Variants in LTBP1 observed in about 807,000 individuals in gnomAD.
LTBP1 encodes the protein latent transforming growth factor beta binding protein 1.
Under a neutral mutation model 207.6 loss-of-function variants are expected in LTBP1, and 129 were observed. That is an observed-to-expected ratio of 0.62 (90% confidence interval 0.54 to 0.72). The LOEUF is 0.72. LTBP1 is among the 30% of genes least tolerant of loss of function. LTBP1 has a pLI of 0.00. For synonymous variants in LTBP1, 963 were observed against 833.7 expected, an observed-to-expected ratio of 1.16 and a Z score of -2.67; for missense variants, 2,281 against 2,217.2, an observed-to-expected ratio of 1.03 and a Z score of -0.58.
At position 33,034,024 on chromosome 2, in the gene LTBP1, AGTC is replaced by A. The variant is rs1459090314; in HGVS notation, c.863+12821_863+12823del. ...CCCTGGGGGACAGGAGAGCAGATGG[AGTC>A]GTGTTTGCATCATTCACCGTCCTAA... On this transcript the variant is annotated intron_variant, in intron 3 of 33. Coordinates refer to ENST00000404816, the MANE Select transcript of LTBP1 (RefSeq NM_206943.4). Among the ~76,000 whole-genome samples, 3 of 152,240 alleles carry A rather than the reference AGTC, an allele frequency of 2.0e-5. No homozygotes were observed. The South Asian group carries it at 6.2e-4, about 32-fold the overall frequency.
At chr2:33,224,972 C>A (rs2091349797) in intron 9 of LTBP1, among the ~76,000 whole-genome samples, 1 of 152,106 alleles carries the variant, frequency 6.6e-6, no homozygotes, top group South Asian at 2.1e-4. Context: ...TCTTTAGATG[C>A]ATACTTAGGT....
intron 30 of LTBP1, among the ~76,000 whole-genome samples, chr2:33,364,854 G>A (rs917732809): frequency 6.6e-6 from 1 of 152,256 alleles, no homozygotes; most frequent in Non-Finnish European, 1.5e-5. Flanking sequence ...CGCCTCAGGA[G>A]ACTGCTTTGG....
chr2:33,395,623 T>A (rs532652475), intron 32 of LTBP1, among the ~76,000 whole-genome samples: 2 of 152,136 alleles, frequency 1.3e-5, no homozygotes, highest in Non-Finnish European at 2.9e-5. Flanking sequence ...AAATTTGTCT[T>A]CATGTTGACC....
In LTBP1 at chr2:32,981,448, T is replaced by G. The variant is rs147224151; in HGVS notation, c.565+32503T>G. ...GGCAGCTTTGTGATCTCACTTTTGC[T>G]TTGTTACCTCACTTTTCTGATGGAT... On this transcript the variant is annotated intron_variant, in intron 2 of 33. Coordinates refer to ENST00000404816, the MANE Select transcript of LTBP1 (RefSeq NM_206943.4). Among the ~76,000 whole-genome samples the G allele has an allele frequency of 2.0e-5, 3 of 152,342 alleles. No homozygotes were observed. In the East Asian group the frequency reaches 5.8e-4, roughly 29 times the overall value.
Position 33,134,621 on chromosome 2 carries a change from C to T in LTBP1, c.1034-172C>T. 7 of 1,532,524 alleles carry T rather than the reference C, an allele frequency of 4.6e-6. No individual in the cohort carries two copies. The highest frequency in any genetic ancestry group is 1.3e-5 in the South Asian group (1 of 79,794). The allele number at this position is 1,532,524 out of a possible 1,614,324, so 94.9% of individuals were successfully genotyped here. A position where few individuals can be genotyped will look rare whatever the true frequency, so the allele number is the denominator to read the frequency against. ...AGAGACACCACTGAATACAGAGCAG[C>T]GAGCACTGAAGGCTTCCCTCTTTCC... On this transcript the variant is annotated intron_variant, in intron 4 of 33. Coordinates refer to ENST00000404816, the MANE Select transcript of LTBP1 (RefSeq NM_206943.4). The surrounding 1 kb of genome is among the most constrained non-coding windows in gnomAD (Gnocchi z 4.4).
intron 12 of LTBP1, 106 bp downstream of exon 12, chr2:33,257,617 A>G: frequency 2.2e-6 from 2 of 922,364 alleles, no homozygotes; most frequent in Non-Finnish European, 3.3e-6. Flanking sequence ...CCTAAGCACT[A>G]TTGGCATTTT....
At chr2:32,979,582 TG>T (rs987751786) in intron 2 of LTBP1, among the ~76,000 whole-genome samples, 1 of 152,152 alleles carries the variant, frequency 6.6e-6, no homozygotes, top group Non-Finnish European at 1.5e-5. Context: ...TTTTAAGAGT[TG>T]TTTTGTGGCA....
In LTBP1 at chr2:33,182,687, GATAT is replaced by G. The variant is rs201059639; in HGVS notation, c.1202-4159_1202-4156del. ...AAAAAAAAAAAGAAGAAAAGATGGT[GATAT>G]ATATATATACACACACACACACACA... is the stretch of plus-strand genomic sequence containing the variant. On this transcript the variant is annotated intron_variant, in intron 5 of 33. Coordinates refer to ENST00000404816, the MANE Select transcript of LTBP1 (RefSeq NM_206943.4). Among the ~76,000 whole-genome samples, 11 of 67,044 alleles carry G rather than the reference GATAT, an allele frequency of 1.6e-4. 2 individuals are homozygous for G. The highest frequency in any genetic ancestry group is 8.1e-4 in the South Asian group (2 of 2,464). The allele number at this position is 67,044 out of a possible 152,430, so 44.0% of individuals were successfully genotyped here. A position where few individuals can be genotyped will look rare whatever the true frequency, so the allele number is the denominator to read the frequency against.
intron 32 of LTBP1, among the ~76,000 whole-genome samples, chr2:33,392,779 G>C (rs2095325998): frequency 6.6e-6 from 1 of 152,034 alleles, no homozygotes; most frequent in Non-Finnish European, 1.5e-5. Flanking sequence ...ATATGAAGTA[G>C]AAATCATTTT....
chr2:32,960,726 G>C (rs1280487176), intron 2 of LTBP1, among the ~76,000 whole-genome samples: 1 of 152,184 alleles, frequency 6.6e-6, no homozygotes, highest in Admixed American at 6.5e-5. Context: ...GTCTCTATAG[G>C]AAGTGACATG....
intron 2 of LTBP1, among the ~76,000 whole-genome samples, chr2:33,007,474 A>G (rs1288454401): frequency 6.6e-6 from 1 of 152,212 alleles, no homozygotes; most frequent in Admixed American, 6.5e-5. Flanking sequence ...ACAGTTTGGA[A>G]ATATGAGCCT....
chr2:33,146,568 C>T (rs1376968825), intron 5 of LTBP1, among the ~76,000 whole-genome samples: 1 of 152,110 alleles, frequency 6.6e-6, no homozygotes, highest in African/African-American at 2.4e-5. Context: ...TCTTGCATTG[C>T]TGTTAAAAAC....
intron 23 of LTBP1, 54 bp downstream of exon 23, chr2:33,309,610 C>T: frequency 6.4e-7 from 1 of 1,569,540 alleles, no homozygotes; most frequent in Non-Finnish European, 8.6e-7. Context: ...TTCAATTCTG[C>T]CATGTTGCCA....
chr2:33,194,218 C>G (rs1230694168), intron 7 of LTBP1, among the ~76,000 whole-genome samples: 1 of 151,998 alleles, frequency 6.6e-6, no homozygotes, highest in Non-Finnish European at 1.5e-5. Context: ...ATCTCCTGAC[C>G]TCGTGATCCA....
chr2:33,073,999 A>G (rs957053623), intron 3 of LTBP1, among the ~76,000 whole-genome samples: 4 of 152,222 alleles, frequency 2.6e-5, no homozygotes, highest in African/African-American at 9.6e-5. Flanking sequence ...ATATACAGGT[A>G]TAAGTCATTT....
intron 31 of LTBP1, 109 bp from the exon 32 acceptor site, chr2:33,389,075 C>G: frequency 6.8e-7 from 1 of 1,469,490 alleles, no homozygotes; most frequent in South Asian, 1.3e-5. Flanking sequence ...GAGATGGAGA[C>G]ACACGTGGAA....
intron 4 of LTBP1, among the ~76,000 whole-genome samples, chr2:33,113,013 A>G (rs748693244): frequency 3.3e-5 from 5 of 152,238 alleles, no homozygotes; most frequent in Non-Finnish European, 7.3e-5. Flanking sequence ...CTTTAGAAAA[A>G]TAGAAGATAC....
chr2:33,287,477 A>G (rs1254654843), intron 19 of LTBP1, among the ~76,000 whole-genome samples: 1 of 152,244 alleles, frequency 6.6e-6, no homozygotes, highest in East Asian at 1.9e-4. Flanking sequence ...AGAAAGCCAC[A>G]TGGGCTGGAA....
intron 3 of LTBP1, among the ~76,000 whole-genome samples, chr2:33,027,160 C>G (rs915021304): frequency 4.6e-5 from 7 of 152,168 alleles, no homozygotes; most frequent in African/African-American, 1.7e-4. Context: ...ATTTATTCTG[C>G]TCTTGATGGA....
Sources: gnomAD v4.1 joint callset for allele counts (sites outside exome capture counted in the v4.1 genomes callset) on GRCh38, gnomAD v4.1.1 for gene constraint, Gnocchi (gnomAD v3.1) non-coding constraint, MANE v1.5 for transcripts, NCBI Gene and HGNC (gene_info 2026-07-23, HGNC 2026-07-21) for gene names.